TLN2: variants seen among roughly 807,000 people sequenced by gnomAD.
TLN2 encodes the protein talin-2.
TLN2 carries 118 observed loss-of-function variants against 294.7 expected under a neutral mutation model. That is an observed-to-expected ratio of 0.40 (90% CI 0.34 to 0.47). TLN2 has a LOEUF of 0.47. TLN2 is among the 20% of genes least tolerant of loss of function. TLN2 has a pLI of 0.84. For synonymous variants in TLN2, 1,431 were observed against 1,304.5 expected (o/e 1.10, Z -2.09); for missense variants, 3,083 against 3,282.2 (o/e 0.94, Z 1.48).
intron 27 of TLN2, among the ~76,000 whole-genome samples, chr15:62,726,398 C>G (rs1160975231): frequency 3.3e-5 from 5 of 152,268 alleles, no homozygotes; most frequent in African/African-American, 9.6e-5. Flanking sequence ...TCTTCCAAAA[C>G]CTCATCTAGT....
intron 1 of TLN2, among the ~76,000 whole-genome samples, chr15:62,578,208 CGTG>C (rs2044598497): frequency 1.3e-5 from 2 of 152,068 alleles, no homozygotes; most frequent in Admixed American, 1.3e-4. Flanking sequence ...TGGTACATGA[CGTG>C]GTAAATAAGT....
intron 1 of TLN2, among the ~76,000 whole-genome samples, chr15:62,452,130 G>A (rs1279724485): frequency 8.5e-6 from 1 of 117,468 alleles, no homozygotes; most frequent in African/African-American, 2.8e-5. Context: ...TGATGCCAAG[G>A]CCCTTGGGAC....
intron 54 of TLN2, chr15:62,831,811 G>T (rs1395943640): frequency 6.6e-6 from 1 of 152,218 alleles, no homozygotes; most frequent in Non-Finnish European, 1.5e-5. Context: ...ACCTTTCATG[G>T]TTCAAGATGT....
chr15:62,698,698 G>T, intron 15 of TLN2, 56 bp from the exon 16 acceptor site: 2 of 1,433,384 alleles, frequency 1.4e-6, no homozygotes, highest in South Asian at 2.3e-5. Context: ...TTGCATAAAG[G>T]GCCATGTCGG....
At chr15:62,407,657 C>T (rs567818708) in intron 1 of TLN2, among the ~76,000 whole-genome samples, 1 of 152,292 alleles carries the variant, frequency 6.6e-6, no homozygotes, top group African/African-American at 2.4e-5. Context: ...TGGCTCATGC[C>T]TGTAATCCCA....
intron 1 of TLN2, among the ~76,000 whole-genome samples, chr15:62,402,446 C>T (rs2033094899): frequency 1.3e-5 from 2 of 152,096 alleles, no homozygotes; most frequent in Admixed American, 1.3e-4. Flanking sequence ...TTTCATTGTC[C>T]ATCATCCCTT....
intron 2 of TLN2, among the ~76,000 whole-genome samples, chr15:62,604,094 T>A (rs2047215716): frequency 6.6e-6 from 1 of 152,220 alleles, no homozygotes; most frequent in African/African-American, 2.4e-5. Context: ...TATAATTCAT[T>A]TGGTTTTTTT....
At chr15:62,394,677 C>T (rs563367924) in intron 1 of TLN2, among the ~76,000 whole-genome samples, 1 of 152,294 alleles carries the variant, frequency 6.6e-6, no homozygotes, top group East Asian at 1.9e-4. Flanking sequence ...CACACCCCCT[C>T]CTCAATAACC....
intron 1 of TLN2, among the ~76,000 whole-genome samples, chr15:62,517,161 G>A (rs74415687): frequency 0.014 from 2,094 of 152,240 alleles, 50 homozygotes; most frequent in African/African-American, 0.048. Flanking sequence ...CCAAACCTTC[G>A]CCGTTCCTCC....
At chr15:62,676,639 G>A (rs926660138) in intron 11 of TLN2, among the ~76,000 whole-genome samples, 1 of 152,136 alleles carries the variant, frequency 6.6e-6, no homozygotes, top group Non-Finnish European at 1.5e-5. Flanking sequence ...TTTGGAGACG[G>A]AGTCTCACTC....
intron 42 of TLN2, 77 bp downstream of exon 42, chr15:62,771,211 C>T: frequency 2.8e-6 from 4 of 1,407,936 alleles, no homozygotes; most frequent in Non-Finnish European, 3.8e-6. Context: ...TGTGTCCTTC[C>T]AGGAGAAAAC....
chr15:62,540,865 T>C (rs1369753741), intron 1 of TLN2, among the ~76,000 whole-genome samples: 1 of 152,100 alleles, frequency 6.6e-6, no homozygotes, highest in South Asian at 2.1e-4. Context: ...AGCCAAGATA[T>C]GCTCATATGT....
chr15:62,613,274 T>C (rs1208497307), intron 2 of TLN2, among the ~76,000 whole-genome samples: 1 of 152,252 alleles, frequency 6.6e-6, no homozygotes, highest in Non-Finnish European at 1.5e-5. Flanking sequence ...TTTGCCACTT[T>C]TATTGTAATC....
At chr15:62,458,858 C>CT (rs2036635212) in intron 1 of TLN2, among the ~76,000 whole-genome samples, 1 of 152,102 alleles carries the variant, frequency 6.6e-6, no homozygotes, top group Non-Finnish European at 1.5e-5. Context: ...GCATTTCTTC[C>CT]TTTTTGCATC....
intron 3 of TLN2, chr15:62,637,352 A>C (rs1320830447): frequency 6.6e-6 from 1 of 152,222 alleles, no homozygotes; most frequent in Non-Finnish European, 1.5e-5. Context: ...TGAAGCTTGT[A>C]ACAAGAGGAG....
intron 15 of TLN2, 137 bp downstream of exon 15, chr15:62,698,005 A>G (rs1365136490): frequency 1.1e-5 from 12 of 1,137,570 alleles, no homozygotes; most frequent in Non-Finnish European, 1.5e-5. Flanking sequence ...TCAGCTGTGC[A>G]TTTTTTAAAT....
chr15:62,615,904 G>A (rs985579386), intron 2 of TLN2, among the ~76,000 whole-genome samples: 5 of 152,144 alleles, frequency 3.3e-5, no homozygotes, highest in African/African-American at 1.2e-4. Flanking sequence ...CTGCTAAGAT[G>A]ATAGAGAATA....
chr15:62,561,660 T>C (rs2042968994), intron 1 of TLN2, among the ~76,000 whole-genome samples: 1 of 151,326 alleles, frequency 6.6e-6, no homozygotes, highest in South Asian at 2.1e-4. Context: ...AGTCTGTCTC[T>C]CTCTCTTTTT....
At chr15:62,537,994 G>C (rs1197227055) in intron 1 of TLN2, among the ~76,000 whole-genome samples, 1 of 152,170 alleles carries the variant, frequency 6.6e-6, no homozygotes, top group East Asian at 1.9e-4. Flanking sequence ...GGCTGAGGCG[G>C]GTGGATTGCT....
Sources: allele counts gnomAD v4.1 joint callset (sites outside exome capture counted in the v4.1 genomes callset), GRCh38; gene constraint gnomAD v4.1.1; transcripts MANE v1.5; gene names NCBI Gene and HGNC (gene_info 2026-07-23, HGNC 2026-07-21).